Variants in KMT2E observed in about 807,000 individuals in gnomAD.
The protein encoded by KMT2E is lysine methyltransferase 2E (inactive), also known as histone reader KMT2E.
KMT2E carries 30 observed loss-of-function variants against 184.6 expected under a neutral mutation model. The ratio of observed to expected loss-of-function variants is 0.16; its 90% confidence interval spans 0.12 to 0.22. The LOEUF (loss-of-function observed/expected upper bound fraction) is 0.22. Ranked by LOEUF, KMT2E falls within the 10% of genes least tolerant of loss-of-function variation. KMT2E has a pLI of 1.00. For missense variants in KMT2E, 2,023 were observed against 2,237.4 expected (o/e 0.90, Z 1.93); for synonymous variants, 815 against 776.5 (o/e 1.05, Z -0.82).
At chr7:105,049,193 C>CTAG (rs1796227079) in intron 3 of KMT2E, among the ~76,000 whole-genome samples, 1 of 152,050 alleles carries the variant, frequency 6.6e-6, no homozygotes, top group African/African-American at 2.4e-5. Flanking sequence ...ACCTGTATTC[C>CTAG]TAGCACTTTG....
intron 1 of KMT2E, among the ~76,000 whole-genome samples, chr7:105,021,629 A>G (rs1393303218): frequency 6.6e-6 from 1 of 152,176 alleles, no homozygotes; most frequent in Non-Finnish European, 1.5e-5. Flanking sequence ...ATCCCCTCTA[A>G]TTATCTGAGA....
rs960054922 is a variant in KMT2E, at chr7:105,028,105, G to A, written c.-188-10021G>A. Among the ~76,000 whole-genome samples the A allele has an allele frequency of 6.6e-5, 10 of 151,252 alleles. No homozygotes were observed. In the East Asian group the frequency reaches 9.7e-4, roughly 15 times the overall value. ...AATATCTACACTGTGTCTACATATC[G>A]TACTCTGAGCAAAAAGATAGATATT... On this transcript the variant is annotated intron_variant, in intron 1 of 26. Transcript: ENST00000311117.
chr7:105,089,639 A>C (rs531854389), intron 13 of KMT2E, among the ~76,000 whole-genome samples: 1 of 152,176 alleles, frequency 6.6e-6, no homozygotes, highest in African/African-American at 2.4e-5. Context: ...CCTATATGAA[A>C]CATGAGTGAA....
intron 22 of KMT2E, 119 bp downstream of exon 22, chr7:105,108,044 C>T: frequency 1.5e-6 from 1 of 663,066 alleles, no homozygotes; most frequent in Non-Finnish European, 2.2e-6. Context: ...ATTAAAGTTA[C>T]ATTTTTAATA....
chr7:105,062,658 T>G (rs1349269703), intron 4 of KMT2E, among the ~76,000 whole-genome samples: 1 of 151,876 alleles, frequency 6.6e-6, no homozygotes, highest in Non-Finnish European at 1.5e-5. Context: ...ATAGTTACCA[T>G]TTATTGAGCC....
At chr7:105,052,274 T>C (rs950186157) in intron 3 of KMT2E, among the ~76,000 whole-genome samples, 1 of 152,232 alleles carries the variant, frequency 6.6e-6, no homozygotes, top group African/African-American at 2.4e-5. Flanking sequence ...TTCCTCTGCC[T>C]GGATCATTCT....
chr7:105,080,131 G>A (rs1797701796), intron 12 of KMT2E, among the ~76,000 whole-genome samples: 1 of 152,132 alleles, frequency 6.6e-6, no homozygotes, highest in Admixed American at 6.5e-5. Context: ...ACAGGCATGA[G>A]CCACCAGGTC....
At chr7:105,035,464 C>T (rs1795609945) in intron 1 of KMT2E, among the ~76,000 whole-genome samples, 1 of 151,510 alleles carries the variant, frequency 6.6e-6, no homozygotes, top group African/African-American at 2.4e-5. Context: ...CCACTGTGCC[C>T]AGCCAAGATC....
rs1442375876 is a variant in KMT2E, at chr7:105,110,477, G to A, written c.3845G>A (p.Gly1282Glu). Residue 1282 changes from glycine to glutamate, a missense_variant and splice_region_variant, in exon 25 of 27, where the codon GGG becomes GAG. Gly to Glu is a moderately conservative substitution (Grantham distance 98, BLOSUM62 -2). Transcript: ENST00000311117. Reference protein sequence around the residue: ...LSDHRKDKDSGGESPCVSCSP... With the variant: ...LSDHRKDKDSEGESPCVSCSP... ...TGGGTCTGCTCTGCTTCATCTCTAG[G>A]GGGAGAATCACCATGTGTCTCATGT... 1 of 1,614,038 alleles carries A rather than the reference G, an allele frequency of 6.2e-7. No individual in the cohort carries two copies. Among genetic ancestry groups the A allele is most frequent in the African/African-American group, 1.3e-5 (1 of 74,992 alleles).
At chr7:105,090,804 T>C (rs973374400) in intron 14 of KMT2E, among the ~76,000 whole-genome samples, 1 of 152,198 alleles carries the variant, frequency 6.6e-6, no homozygotes, top group Non-Finnish European at 1.5e-5. Context: ...ATCATTAAAA[T>C]GTGAAAATTA....
At chr7:105,101,395 A>G in intron 15 of KMT2E, 30 bp from the exon 16 acceptor site, 1 of 1,445,396 alleles carries the variant, frequency 6.9e-7, no homozygotes, top group African/African-American at 1.4e-5. Flanking sequence ...ATTGATATTT[A>G]TGATGTCACT....
chr7:105,037,457 G>T (rs966551205), intron 1 of KMT2E, among the ~76,000 whole-genome samples: 8 of 151,764 alleles, frequency 5.3e-5, no homozygotes, highest in Non-Finnish European at 8.8e-5. Flanking sequence ...TGACCTCTTG[G>T]GCTCAAACAA....
chr7:105,046,206 C>T (rs190999404), intron 3 of KMT2E, among the ~76,000 whole-genome samples: 88 of 152,126 alleles, frequency 5.8e-4, no homozygotes, highest in African/African-American at 2.0e-3. Context: ...CCAAAAAAGC[C>T]GTCTTATTCA....
intron 6 of KMT2E, among the ~76,000 whole-genome samples, chr7:105,069,562 A>G: frequency 6.6e-6 from 1 of 152,186 alleles, no homozygotes; most frequent in East Asian, 1.9e-4. Flanking sequence ...TATAACACCA[A>G]CTGGATACAC....
At chr7:105,094,600 G>T (rs1167344687) in intron 15 of KMT2E, among the ~76,000 whole-genome samples, 1 of 152,120 alleles carries the variant, frequency 6.6e-6, no homozygotes, top group African/African-American at 2.4e-5. Flanking sequence ...CCTAGACTCG[G>T]TATCATGTAT....
chr7:105,026,872 A>G lies in KMT2E; in HGVS notation c.-188-11254A>G, dbSNP rs560139864. On this transcript the variant is annotated intron_variant, in intron 1 of 26. Transcript: ENST00000311117. ...CGACATAGCTTAAAATTTCACTTAC[A>G]GAAGTTTAAAATTGGTACCTCTTAC... Among the ~76,000 whole-genome samples the G allele has an allele frequency of 3.3e-5, 5 of 152,308 alleles. No individual in the cohort carries two copies. The East Asian group carries it at 9.6e-4, about 29-fold the overall frequency.
chr7:105,041,097 A>G (rs550540088), intron 3 of KMT2E, 74 bp downstream of exon 3: 5 of 854,784 alleles, frequency 5.8e-6, no homozygotes, highest in Admixed American at 2.5e-5. Flanking sequence ...AGGAAGAAGT[A>G]TAAGTGGAAA....
chr7:105,066,941 C>A, intron 6 of KMT2E, 134 bp downstream of exon 6: 2 of 632,548 alleles, frequency 3.2e-6, no homozygotes, highest in Non-Finnish European at 5.7e-6. Context: ...CCTGTAGTGC[C>A]AACTACTTGG....
At chr7:105,049,978 T>C (rs1796263730) in intron 3 of KMT2E, among the ~76,000 whole-genome samples, 1 of 152,196 alleles carries the variant, frequency 6.6e-6, no homozygotes, top group Non-Finnish European at 1.5e-5. Context: ...TTACCCCTTC[T>C]CACCTTTTCA....
Sources: gnomAD v4.1 joint callset for allele counts (sites outside exome capture counted in the v4.1 genomes callset) on GRCh38, gnomAD v4.1.1 for gene constraint, MANE v1.5 for transcripts, NCBI Gene and HGNC (gene_info 2026-07-23, HGNC 2026-07-21) for gene names.